The following PDE4D variants were observed in gnomAD, a reference collection of about 807,000 sequenced individuals.
PDE4D encodes 3',5'-cyclic-AMP phosphodiesterase 4D.
Under a neutral mutation model 87.4 loss-of-function variants are expected in PDE4D, and 24 were observed. That is an observed-to-expected ratio of 0.27 (90% CI 0.20 to 0.39). The LOEUF is 0.39. Ranked by LOEUF, PDE4D falls within the 10% of genes least tolerant of loss-of-function variation. The pLI is 1.00. For missense variants in PDE4D, 714 were observed against 1,041.0 expected, an observed-to-expected ratio of 0.69 and a Z score of 4.32; for synonymous variants, 384 against 383.2, an observed-to-expected ratio of 1.00 and a Z score of -0.02.
chr5:59,010,398 AT>A (rs5868150), intron 6 of PDE4D, among the ~76,000 whole-genome samples: 18,244 of 151,430 alleles, frequency 0.12, 1,252 homozygotes, highest in South Asian at 0.15. Flanking sequence ...TTATTATTTT[AT>A]TTTTTTTTAA....
chr5:59,526,212 C>T (rs1001224728), intron 1 of PDE4D, among the ~76,000 whole-genome samples: 3 of 152,124 alleles, frequency 2.0e-5, no homozygotes, highest in Non-Finnish European at 4.4e-5. Context: ...GTACACGCTG[C>T]AGTTTGAAGT....
intron 1 of PDE4D, among the ~76,000 whole-genome samples, chr5:60,258,831 A>G (rs1337404798): frequency 1.3e-5 from 2 of 152,122 alleles, no homozygotes; most frequent in East Asian, 1.9e-4. Context: ...AAATATAACT[A>G]TCATAAACAC....
chr5:59,488,166 C>CAAAAAAA (rs529078753), intron 1 of PDE4D, among the ~76,000 whole-genome samples: 2 of 107,380 alleles, frequency 1.9e-5, no homozygotes, highest in Non-Finnish European at 4.1e-5. Context: ...CATCAAGAGC[C>CAAAAAAA]AAAAAAAAAA....
intron 2 of PDE4D, among the ~76,000 whole-genome samples, chr5:60,013,917 C>A (rs907884269): frequency 1.3e-5 from 2 of 151,742 alleles, no homozygotes; most frequent in Non-Finnish European, 2.9e-5. Flanking sequence ...CATGGTGAAA[C>A]CCCATCTCTG....
chr5:59,634,328 G>A (rs891691307), intron 1 of PDE4D, among the ~76,000 whole-genome samples: 4 of 152,130 alleles, frequency 2.6e-5, no homozygotes, highest in South Asian at 2.1e-4. Context: ...ACAGATGAAC[G>A]AGACAGAAAA....
intron 1 of PDE4D, among the ~76,000 whole-genome samples, chr5:59,368,256 T>A (rs1021927947): frequency 2.6e-5 from 4 of 152,264 alleles, no homozygotes; most frequent in Non-Finnish European, 5.9e-5. Flanking sequence ...TTTGTTCCCA[T>A]GACTTGTGAA....
In PDE4D at chr5:58,994,543, C is replaced by T. The variant is rs72764050; in HGVS notation, c.922-1078G>A. Among the ~76,000 whole-genome samples the T allele has an allele frequency of 2.9e-3, 445 of 152,180 alleles. 2 individuals are homozygous for T. The highest frequency in any genetic ancestry group is 4.5e-3 in the Non-Finnish European group (308 of 68,002). On this transcript the variant is annotated intron_variant, in intron 6 of 14. Coordinates refer to ENST00000340635, the MANE Select transcript of PDE4D (RefSeq NM_001104631.2). The stretch of plus-strand genomic sequence containing the variant: ...CATTTACTCTAATCATCAGATTAGC[C>T]TTTAAAATTTGAAATTTCACCATAA...
intron 1 of PDE4D, among the ~76,000 whole-genome samples, chr5:59,222,115 CA>C (rs1354517116): frequency 6.6e-6 from 1 of 152,132 alleles, no homozygotes; most frequent in Non-Finnish European, 1.5e-5. Flanking sequence ...AGAAGTCGGA[CA>C]AACTGACGAA....
chr5:60,129,288 C>A (rs939164576), intron 2 of PDE4D, among the ~76,000 whole-genome samples: 1 of 152,156 alleles, frequency 6.6e-6, no homozygotes, highest in Non-Finnish European at 1.5e-5. Flanking sequence ...ATCATAACTT[C>A]TTCTTTAAGT....
At chr5:59,616,219 G>A (rs1829650280) in intron 1 of PDE4D, among the ~76,000 whole-genome samples, 1 of 150,808 alleles carries the variant, frequency 6.6e-6, no homozygotes, top group Non-Finnish European at 1.5e-5. Context: ...TGATTTTAAT[G>A]CAAATTACAC....
At chr5:59,856,702 G>A (rs904817172) in intron 1 of PDE4D, among the ~76,000 whole-genome samples, 1 of 152,134 alleles carries the variant, frequency 6.6e-6, no homozygotes, top group African/African-American at 2.4e-5. Flanking sequence ...AGTAAATCAT[G>A]GGGAAGCAAT....
At chr5:59,002,672 C>T (rs9292185) in intron 6 of PDE4D, among the ~76,000 whole-genome samples, 15,339 of 152,142 alleles carry the variant, frequency 0.1, 1,032 homozygotes, top group Non-Finnish European at 0.13. Flanking sequence ...AGAAGCCATC[C>T]TAGCCATCCA....
chr5:60,335,630 G>A (rs1757691827), intron 1 of PDE4D, among the ~76,000 whole-genome samples: 1 of 152,146 alleles, frequency 6.6e-6, no homozygotes, highest in Admixed American at 6.5e-5. Flanking sequence ...AACTCTCCTG[G>A]CAACCTTGAG....
At chr5:59,097,307 A>C (rs1451888694) in intron 5 of PDE4D, among the ~76,000 whole-genome samples, 1 of 152,212 alleles carries the variant, frequency 6.6e-6, no homozygotes, top group Non-Finnish European at 1.5e-5. Flanking sequence ...ATTTTATTTA[A>C]GCCACAGCAA....
chr5:59,169,450 T>G (rs1022170362), intron 5 of PDE4D, among the ~76,000 whole-genome samples: 5 of 152,172 alleles, frequency 3.3e-5, no homozygotes, highest in Non-Finnish European at 5.9e-5. Context: ...TGATACTTGA[T>G]TTTCTTCTCA....
chr5:59,530,455 T>C (rs1346113422), intron 1 of PDE4D, among the ~76,000 whole-genome samples: 2 of 152,146 alleles, frequency 1.3e-5, no homozygotes, highest in African/African-American at 4.8e-5. Flanking sequence ...ATAGTATTTG[T>C]ATATAACCTA....
At chr5:59,970,918 T>A (rs1369742333) in intron 3 of PDE4D, among the ~76,000 whole-genome samples, 1 of 149,720 alleles carries the variant, frequency 6.7e-6, no homozygotes, top group Non-Finnish European at 1.5e-5. Context: ...GTATGTTTAT[T>A]GTGGCACTAT....
chr5:59,229,170 G>A (rs530914869), intron 1 of PDE4D, among the ~76,000 whole-genome samples: 35 of 151,920 alleles, frequency 2.3e-4, no homozygotes, highest in South Asian at 1.2e-3. Context: ...TACTTTGTTC[G>A]TTAATGTGTC....
At chr5:59,291,371 C>G (rs760773502) in intron 1 of PDE4D, among the ~76,000 whole-genome samples, 1 of 151,792 alleles carries the variant, frequency 6.6e-6, no homozygotes, top group Non-Finnish European at 1.5e-5. Flanking sequence ...TTTGTGGGAG[C>G]TAAAAATTAA....
Sources: allele counts gnomAD v4.1 joint callset (sites outside exome capture counted in the v4.1 genomes callset), GRCh38; gene constraint gnomAD v4.1.1; transcripts MANE v1.5; gene names NCBI Gene and HGNC (gene_info 2026-07-23, HGNC 2026-07-21).